The following FRMD4A variants were observed in gnomAD, a reference collection of about 807,000 sequenced individuals.
FRMD4A encodes the protein FERM domain-containing protein 4A.
In FRMD4A, 29 loss-of-function variants were observed where a neutral mutation model predicts 129.1. The observed-to-expected ratio is 0.22, with a 90% CI of 0.17 to 0.31. The LOEUF (loss-of-function observed/expected upper bound fraction) is 0.31. Ranked by LOEUF, FRMD4A falls within the 10% of genes least tolerant of loss-of-function variation. The probability of loss-of-function intolerance (pLI) is 1.00; values close to 1 mark genes in which losing one functional copy is unlikely to be tolerated. For missense variants in FRMD4A, 1,272 were observed against 1,375.8 expected (o/e 0.92, Z 1.19); for synonymous variants, 634 against 571.6 (o/e 1.11, Z -1.56).
At chr10:13,778,598 C>CGTGT (rs150073571) in intron 6 of FRMD4A, among the ~76,000 whole-genome samples, 3,475 of 147,962 alleles carry the variant, frequency 0.023, 68 homozygotes, top group African/African-American at 0.042. Context: ...ACCATTCCAA[C>CGTGT]GTGTGTGTGT....
At chr10:13,896,333 G>A (rs2094757967) in intron 2 of FRMD4A, among the ~76,000 whole-genome samples, 1 of 152,148 alleles carries the variant, frequency 6.6e-6, no homozygotes, top group Admixed American at 6.6e-5. Context: ...GGAATACTAT[G>A]CAGCTGTAAA....
chr10:13,699,784 T>C (rs1275299942), intron 14 of FRMD4A, among the ~76,000 whole-genome samples: 1 of 152,174 alleles, frequency 6.6e-6, no homozygotes, highest in Non-Finnish European at 1.5e-5. Context: ...AGCAAAACCC[T>C]GACACCCACC....
At chr10:14,264,506 G>T (rs11258985) in intron 2 of FRMD4A, among the ~76,000 whole-genome samples, 7,578 of 152,214 alleles carry the variant, frequency 0.05, 216 homozygotes, top group South Asian at 0.12. Flanking sequence ...TCAATCAACA[G>T]ATACTTATCA....
At chr10:13,878,434 A>AT (rs1160482582) in intron 2 of FRMD4A, among the ~76,000 whole-genome samples, 1 of 152,126 alleles carries the variant, frequency 6.6e-6, no homozygotes, top group African/African-American at 2.4e-5. Context: ...AGTGCAGTGT[A>AT]TTTTTAGCAA....
At chr10:13,701,700 A>G (rs1200613618) in intron 13 of FRMD4A, among the ~76,000 whole-genome samples, 1 of 152,166 alleles carries the variant, frequency 6.6e-6, no homozygotes, top group Non-Finnish European at 1.5e-5. Context: ...CTGACTCCCT[A>G]GAGTTCAGAA....
chr10:13,951,371 G>A (rs1360269893), intron 2 of FRMD4A, among the ~76,000 whole-genome samples: 2 of 152,032 alleles, frequency 1.3e-5, no homozygotes, highest in African/African-American at 4.8e-5. Flanking sequence ...TTGAGAGAAC[G>A]TATTTTCTAA....
chr10:14,296,079 G>A (rs1218463), intron 2 of FRMD4A, among the ~76,000 whole-genome samples: 10,193 of 151,872 alleles, frequency 0.067, 1,071 homozygotes, highest in African/African-American at 0.23. Flanking sequence ...TAATCACCTC[G>A]CCTGGCGACG....
intron 21 of FRMD4A, among the ~76,000 whole-genome samples, chr10:13,658,692 C>A (rs1589237780): frequency 6.6e-6 from 1 of 152,116 alleles, no homozygotes; most frequent in Admixed American, 6.5e-5. Flanking sequence ...ACCAGCCTGG[C>A]CAACATGGTG....
rs1564673541 is a variant in FRMD4A at position 13,714,051 on chromosome 10, T to TATATATATAC, written c.760-6939_760-6938insGTATATATAT. ...ACATATATATATATATATATATATA[T>TATATATATAC]ATATATATAAAATATACTTTTTTTT... On this transcript the variant is annotated intron_variant, in intron 12 of 24. Transcript: ENST00000357447. Among the ~76,000 whole-genome samples, 112 of 15,048 alleles carry TATATATATAC rather than the reference T, an allele frequency of 7.4e-3. 12 individuals carry two copies. The highest frequency in any genetic ancestry group is 0.024 in the African/African-American group (103 of 4,226). The allele number at this position is 15,048 out of a possible 152,430, so 9.9% of individuals were successfully genotyped here. A position where few individuals can be genotyped will look rare whatever the true frequency, so the allele number is the denominator to read the frequency against.
chr10:13,663,512 G>T lies in FRMD4A; in HGVS notation c.1604-3C>A. 3 of 1,507,236 alleles carry T rather than the reference G, an allele frequency of 2.0e-6. No individual in the cohort carries two copies. In the East Asian group the frequency reaches 6.8e-5, roughly 34 times the overall value. The allele number at this position is 1,507,236 out of a possible 1,614,324, so 93.4% of individuals were successfully genotyped here. The stretch of plus-strand genomic sequence containing the variant: ...GTCTTCACTGGCAATGTTTCCATCT[G>T]AGAAGACAAAAAGCAATAGCCTATG... On this transcript the variant is annotated splice_polypyrimidine_tract_variant and splice_region_variant and intron_variant, in intron 18 of 24. Coordinates refer to ENST00000357447, the MANE Select transcript of FRMD4A (RefSeq NM_018027.5).
intron 2 of FRMD4A, among the ~76,000 whole-genome samples, chr10:14,073,501 G>C (rs1376774031): frequency 1.3e-5 from 2 of 152,094 alleles, no homozygotes; most frequent in Non-Finnish European, 2.9e-5. Context: ...AGACACCAAG[G>C]ACCCTGGATA....
intron 2 of FRMD4A, among the ~76,000 whole-genome samples, chr10:13,972,652 G>T (rs1035233582): frequency 6.6e-6 from 1 of 152,044 alleles, no homozygotes; most frequent in Non-Finnish European, 1.5e-5. Flanking sequence ...TCAATTAAAC[G>T]TGTCATAACC....
intron 2 of FRMD4A, among the ~76,000 whole-genome samples, chr10:14,158,868 G>T (rs999909460): frequency 2.0e-5 from 3 of 151,528 alleles, no homozygotes; most frequent in Admixed American, 2.0e-4. Flanking sequence ...GGAGGAGGAG[G>T]AGGAGGTAGC....
chr10:13,950,670 C>T (rs2095364764), intron 2 of FRMD4A, among the ~76,000 whole-genome samples: 1 of 152,158 alleles, frequency 6.6e-6, no homozygotes, highest in African/African-American at 2.4e-5. Context: ...CACTGTCTTC[C>T]CTCTCTTCCC....
intron 12 of FRMD4A, chr10:13,707,807 T>A: frequency 1.0e-6 from 1 of 985,266 alleles, no homozygotes; most frequent in Non-Finnish European, 1.2e-6. Flanking sequence ...GGCCAGAGTC[T>A]CTCCCTCAAG....
chr10:14,300,896 TTTCA>T (rs1390702719), intron 2 of FRMD4A, among the ~76,000 whole-genome samples: 5 of 152,196 alleles, frequency 3.3e-5, no homozygotes, highest in Non-Finnish European at 5.9e-5. Flanking sequence ...GAATATCATG[TTTCA>T]TAAGGGTATC....
intron 2 of FRMD4A, among the ~76,000 whole-genome samples, chr10:14,043,470 AT>A (rs2131677125): frequency 1.3e-5 from 2 of 152,014 alleles, no homozygotes; most frequent in African/African-American, 4.8e-5. Flanking sequence ...GAATTCTCCC[AT>A]TTCATCTCCT....
chr10:14,199,176 A>T (rs1366428009), intron 2 of FRMD4A, among the ~76,000 whole-genome samples: 1 of 152,038 alleles, frequency 6.6e-6, no homozygotes, highest in Non-Finnish European at 1.5e-5. Context: ...TTCCATTTTT[A>T]AAAGTTTTAA....
At chr10:14,233,199 G>A (rs1000125731) in intron 2 of FRMD4A, among the ~76,000 whole-genome samples, 2 of 152,174 alleles carry the variant, frequency 1.3e-5, no homozygotes, top group Admixed American at 6.6e-5. Flanking sequence ...GATATAATTA[G>A]TTATTCTACC....
Sources: gnomAD v4.1 joint callset for allele counts (sites outside exome capture counted in the v4.1 genomes callset) on GRCh38, gnomAD v4.1.1 for gene constraint, MANE v1.5 for transcripts, NCBI Gene and HGNC (gene_info 2026-07-23, HGNC 2026-07-21) for gene names.